Variants in HIRA observed in about 807,000 individuals in gnomAD.
HIRA encodes the protein histone cell cycle regulator.
In HIRA, 13 loss-of-function variants were observed where a neutral mutation model predicts 126.6. The observed-to-expected ratio is 0.10, with a 90% confidence interval of 0.07 to 0.16. The LOEUF is 0.16. Among genes scored for constraint, HIRA ranks in the 10% least tolerant of loss-of-function variants. HIRA has a pLI of 1.00. For synonymous variants in HIRA, 511 were observed against 520.0 expected (o/e 0.98, Z 0.24); for missense variants, 834 against 1,314.4 (o/e 0.63, Z 5.65).
chr22:19,400,317 T>C (rs970927326), intron 5 of HIRA, among the ~76,000 whole-genome samples: 1 of 152,214 alleles, frequency 6.6e-6, no homozygotes, highest in African/African-American at 2.4e-5. Context: ...GTGTGCTGTA[T>C]TTGGTGAGGA....
At chr22:19,364,274 TAA>T (rs1001316880) in intron 15 of HIRA, among the ~76,000 whole-genome samples, 1 of 152,012 alleles carries the variant, frequency 6.6e-6, no homozygotes, top group African/African-American at 2.4e-5. Flanking sequence ...TTATCAAGGA[TAA>T]AGAGGGACAT....
chr22:19,363,079 A>G (rs1235227595), intron 15 of HIRA, among the ~76,000 whole-genome samples: 2 of 151,292 alleles, frequency 1.3e-5, no homozygotes, highest in Non-Finnish European at 2.9e-5. Flanking sequence ...ACTAAAATAC[A>G]AAAAATTAGC....
At chr22:19,380,816 G>A (rs1010835890) in intron 13 of HIRA, among the ~76,000 whole-genome samples, 1 of 152,130 alleles carries the variant, frequency 6.6e-6, no homozygotes, top group Non-Finnish European at 1.5e-5. Flanking sequence ...TAGGGACGGG[G>A]TTTCACCATG....
chr22:19,363,756 C>T (rs1043089061), intron 15 of HIRA, among the ~76,000 whole-genome samples: 21 of 151,908 alleles, frequency 1.4e-4, no homozygotes, highest in African/African-American at 4.6e-4. Context: ...AAATTAGCCA[C>T]GTGTGGTGGC....
intron 1 of HIRA, among the ~76,000 whole-genome samples, chr22:19,427,341 C>T (rs5746736): frequency 0.04 from 6,017 of 152,296 alleles, 261 homozygotes; most frequent in East Asian, 0.13. Flanking sequence ...GGATCCTTTC[C>T]CTGCCAATTC....
Position 19,405,755 on chromosome 22 carries a change from C to A in HIRA, c.397+31G>T, listed in dbSNP as rs758398424. 1.1e-5 allele frequency: 15 copies of A among 1,348,242 alleles called. No homozygotes were observed. In the South Asian group the frequency reaches 2.9e-4, roughly 26 times the overall value. 83.5% of individuals were successfully genotyped at this position (1,348,242 alleles called of 1,614,324 possible). A position where few individuals can be genotyped will look rare whatever the true frequency, so the allele number is the denominator to read the frequency against. On this transcript the variant is annotated intron_variant, in intron 5 of 24. Coordinates refer to ENST00000263208, the MANE Select transcript of HIRA (RefSeq NM_003325.4). ...GCTGATCTGAGCCAGGTGTCAGGGG[C>A]CCACCCACCCCAACAGGCAGTCCCA...
chr22:19,361,679 G>A (rs142277081), intron 16 of HIRA, 48 bp downstream of exon 16: 305 of 1,579,902 alleles, frequency 1.9e-4, no homozygotes, highest in Middle Eastern at 1.4e-3. Flanking sequence ...CAAGCTCTAA[G>A]TACAGAAAGG....
chr22:19,383,748 C>A, intron 12 of HIRA, 43 bp from the exon 13 acceptor site: 1 of 1,422,916 alleles, frequency 7.0e-7, no homozygotes, highest in Non-Finnish European at 9.9e-7. Context: ...AAGTTTTGGC[C>A]AACTATTTCC....
At chr22:19,340,221 A>T (rs1210701) in intron 24 of HIRA, among the ~76,000 whole-genome samples, 6 of 151,984 alleles carry the variant, frequency 3.9e-5, no homozygotes, top group South Asian at 2.1e-4. Flanking sequence ...CTTAACGTAC[A>T]CATGTCAATA....
At chr22:19,430,560 C>G (rs1601868915) in intron 1 of HIRA, among the ~76,000 whole-genome samples, 1 of 151,106 alleles carries the variant, frequency 6.6e-6, no homozygotes, top group South Asian at 2.1e-4. Flanking sequence ...AACAGTCAGA[C>G]AGGCCAGAAT....
At chr22:19,408,644 T>C in intron 2 of HIRA, 51 bp from the exon 3 acceptor site, 3 of 992,530 alleles carry the variant, frequency 3.0e-6, no homozygotes, top group Non-Finnish European at 3.2e-6. Flanking sequence ...AGAAATTTGA[T>C]ATTAATATTT....
Position 19,362,033 on chromosome 22 carries a change from AG to A in HIRA, c.1776-103del. The A allele has an allele frequency of 3.7e-6, 4 of 1,087,370 alleles. No individual in the cohort carries two copies. The East Asian group carries it at 9.6e-5, about 26-fold the overall frequency. 67.4% of individuals were successfully genotyped at this position (1,087,370 alleles called of 1,614,324 possible). ...GCTTAAACAAACCTCTTGCCAACCTAGAATTCTGTGTCCAGTGAAATTATGC... is the reference window on the plus strand; with the variant it reads ...GCTTAAACAAACCTCTTGCCAACCTAAATTCTGTGTCCAGTGAAATTATGC... On this transcript the variant is annotated intron_variant, in intron 15 of 24. Coordinates refer to ENST00000263208, the MANE Select transcript of HIRA (RefSeq NM_003325.4).
At chr22:19,431,323 G>A (rs997873183) in intron 1 of HIRA, 117 bp downstream of exon 1, 17 of 1,190,576 alleles carry the variant, frequency 1.4e-5, no homozygotes, top group Non-Finnish European at 2.1e-5. Flanking sequence ...TCTTGGCTTG[G>A]GCACCGGGTA....
Position 19,426,817 on chromosome 22 carries a change from A to C in HIRA, c.37+4623T>G, listed in dbSNP as rs533931108. Among the ~76,000 whole-genome samples, 9 of 152,354 alleles carry C rather than the reference A, an allele frequency of 5.9e-5. No individual in the cohort carries two copies. The East Asian group carries it at 1.7e-3, about 29-fold the overall frequency. ...AATCAACCTACTGTCTTCAGGCATA[A>C]GTCAGGAGAGAAATTGCTGAGAGAA... On this transcript the variant is annotated intron_variant, in intron 1 of 24. Transcript: ENST00000263208.
chr22:19,356,387 C>T, intron 19 of HIRA, 99 bp from the exon 20 acceptor site: 1 of 1,002,992 alleles, frequency 1.0e-6, no homozygotes, highest in Non-Finnish European at 1.6e-6. Context: ...GCATGCGACC[C>T]TAACCCTGGC....
intron 15 of HIRA, among the ~76,000 whole-genome samples, chr22:19,364,476 C>T (rs962174526): frequency 1.3e-5 from 2 of 152,184 alleles, no homozygotes; most frequent in Non-Finnish European, 2.9e-5. Flanking sequence ...TCCCCAACAG[C>T]AGGTGCTCAT....
chr22:19,378,872 G>A (rs1328311028), intron 13 of HIRA, among the ~76,000 whole-genome samples: 1 of 152,182 alleles, frequency 6.6e-6, no homozygotes, highest in Non-Finnish European at 1.5e-5. Flanking sequence ...TTTCTAAAGT[G>A]CCCTCCTCAG....
intron 4 of HIRA, among the ~76,000 whole-genome samples, chr22:19,406,253 T>C (rs552207040): frequency 1.4e-4 from 21 of 152,344 alleles, no homozygotes; most frequent in African/African-American, 5.1e-4. Context: ...ATATTAACTG[T>C]AGCTTTCTTT....
At chr22:19,401,252 T>C (rs1317301248) in intron 5 of HIRA, among the ~76,000 whole-genome samples, 1 of 152,156 alleles carries the variant, frequency 6.6e-6, no homozygotes, top group Non-Finnish European at 1.5e-5. Context: ...CAATAAGCAA[T>C]ACGCTGCCTG....
Sources: gnomAD v4.1 joint callset for allele counts (sites outside exome capture counted in the v4.1 genomes callset) on GRCh38, gnomAD v4.1.1 for gene constraint, MANE v1.5 for transcripts, NCBI Gene and HGNC (gene_info 2026-07-23, HGNC 2026-07-21) for gene names.